Variants in TPRA1 observed in about 807,000 individuals in gnomAD.
The protein encoded by TPRA1 is transmembrane protein adipocyte-associated 1.
Under a neutral mutation model 40.1 loss-of-function variants are expected in TPRA1, and 28 were observed. That is an observed-to-expected ratio of 0.70 (90% CI 0.52 to 0.96). TPRA1 has a LOEUF of 0.96. TPRA1 is among the 40% of genes least tolerant of loss of function. The pLI, the probability that TPRA1 is intolerant of heterozygous loss-of-function variation, is 0.00. For missense variants in TPRA1, 441 were observed against 482.6 expected (o/e 0.91, Z 0.81); for synonymous variants, 219 against 209.7 (o/e 1.04, Z -0.38).
At chr3:127,595,164 G>A (rs1483040674), upstream of TPRA1, among the ~76,000 whole-genome samples, 1 of 152,234 alleles carries the variant, frequency 6.6e-6, no homozygotes, top group Admixed American at 6.5e-5. Context: ...ATCACACAAG[G>A]GTGTGAATAC....
intron 1 of TPRA1, among the ~76,000 whole-genome samples, chr3:127,585,992 GTAAC>G (rs757609818): frequency 9.9e-5 from 15 of 152,204 alleles, no homozygotes; most frequent in Non-Finnish European, 1.9e-4. Flanking sequence ...TGCCAAATGA[GTAAC>G]TAACTGTCTT....
At chr3:127,581,009 G>A (rs759466709) in intron 1 of TPRA1, among the ~76,000 whole-genome samples, 2 of 152,204 alleles carry the variant, frequency 1.3e-5, no homozygotes, top group African/African-American at 2.4e-5. Flanking sequence ...TGGAAGACAG[G>A]AGAGCTGGTG....
At chr3:127,574,608 C>T (rs896444540) in intron 10 of TPRA1, among the ~76,000 whole-genome samples, 6 of 152,200 alleles carry the variant, frequency 3.9e-5, no homozygotes, top group East Asian at 1.9e-4. Flanking sequence ...CTGTGGGCCT[C>T]GCATCTTCTG....
chr3:127,591,668 G>C (rs1179791805), upstream of TPRA1, among the ~76,000 whole-genome samples: 1 of 152,154 alleles, frequency 6.6e-6, no homozygotes. Flanking sequence ...TGGAGCGGCT[G>C]TCCAGTCTCA....
rs932721534 is a variant in TPRA1, at chr3:127,573,371, G to A, written c.*150C>T. 2.9e-6 allele frequency: 3 copies of A among 1,025,242 alleles called. No individual in the cohort carries two copies. In the Admixed American group the frequency reaches 8.8e-5, roughly 30 times the overall value. The allele number at this position is 1,025,242 out of a possible 1,614,324, so 63.5% of individuals were successfully genotyped here. A position where few individuals can be genotyped will look rare whatever the true frequency, so the allele number is the denominator to read the frequency against. ...TGGCAAAGGGGATTGGGAGCCCCAG[G>A]GAGGTGGGGCCTCCAGACTCATGGT... On this transcript the variant is annotated 3_prime_UTR_variant, in exon 11 of 11. Coordinates refer to ENST00000355552, the MANE Select transcript of TPRA1 (RefSeq NM_001136053.4).
chr3:127,573,729 T>C lies in TPRA1; in HGVS notation c.914A>G (p.Asp305Gly), dbSNP rs1347113665. 5 of 1,605,930 alleles carry C rather than the reference T, an allele frequency of 3.1e-6. No individual in the cohort carries two copies. The highest frequency in any genetic ancestry group is 4.3e-6 in the Non-Finnish European group (5 of 1,173,792). The change falls in exon 11 of 11, where the codon GAT becomes GGT. Residue 305 changes from aspartate (D) to glycine (G), a missense_variant. Transcript: ENST00000355552. ...KCQVDETEEPDVHLPQPYAVA... is the reference protein window; with the variant it reads ...KCQVDETEEPGVHLPQPYAVA... ...AGCGTAGGGCTGGGGTAGGTGTACA[T>C]CTGGCTCCTCTGTCTCGTCCACTTG...
At chr3:127,575,704 C>G in intron 8 of TPRA1, 45 bp downstream of exon 8, 1 of 1,604,370 alleles carries the variant, frequency 6.2e-7, no homozygotes, top group Non-Finnish European at 8.5e-7. Flanking sequence ...CCGGTAGACT[C>G]CCTCCCATCC....
upstream of TPRA1, chr3:127,595,621 C>T (rs1349876400): frequency 6.6e-6 from 1 of 152,356 alleles, no homozygotes; most frequent in Non-Finnish European, 1.5e-5. Flanking sequence ...GGGAGGGCTC[C>T]TGATAATCCC....
Position 127,575,991 on chromosome 3 carries a change from ATAGATAT to A in TPRA1, c.551_557del (p.Asn184MetfsTer31), listed in dbSNP as rs1392604149. 2 of 1,614,044 alleles carry A rather than the reference ATAGATAT, an allele frequency of 1.2e-6. No homozygotes were observed. The highest frequency in any genetic ancestry group is 1.7e-6 in the Non-Finnish European group (2 of 1,180,020). On this transcript the variant is annotated frameshift_variant, in exon 7 of 11. Coordinates refer to ENST00000355552, the MANE Select transcript of TPRA1 (RefSeq NM_001136053.4). LOFTEE classifies it high-confidence loss of function. ...GCCAGAACTGGCGGCCCCCATGGCC[ATAGATAT>A]TAAAGTCCTCAGCTGAGAGATGGGC... is the stretch of plus-strand genomic sequence containing the variant.
rs1429215698 is a variant in TPRA1, at chr3:127,576,453, AC to A, written c.498+163del. Among the ~76,000 whole-genome samples the A allele has an allele frequency of 1.3e-5, 2 of 152,148 alleles. No individual in the cohort carries two copies. Among genetic ancestry groups the A allele is most frequent in the African/African-American group, 2.4e-5 (1 of 41,432 alleles). On this transcript the variant is annotated intron_variant, in intron 6 of 10. Coordinates refer to ENST00000355552, the MANE Select transcript of TPRA1 (RefSeq NM_001136053.4). The surrounding 1 kb of genome is among the most constrained non-coding windows in gnomAD (Gnocchi z 4.6). ...CCCACTGGATCCAAATCTCCAGGGG[AC>A]CCCAGAATGTGCCTCGGTAACAAGC...
chr3:127,576,702 A>G lies in TPRA1; in HGVS notation c.419-6T>C, dbSNP rs1302590167. 25 of 1,609,588 alleles carry G rather than the reference A, an allele frequency of 1.6e-5. No homozygotes were observed. The highest frequency in any genetic ancestry group is 1.9e-5 in the Non-Finnish European group (22 of 1,178,032). On this transcript the variant is annotated splice_region_variant and splice_polypyrimidine_tract_variant and intron_variant, in intron 5 of 10. Transcript: ENST00000355552. The surrounding 1 kb of genome is among the most constrained non-coding windows in gnomAD (Gnocchi z 4.6). Reference sequence around the variant, plus strand: ...GGACTTACTCTCCAGGTGGCCTGGAAGAAACATGCTGGTCAGCAGGCAGGA... The same window carrying G: ...GGACTTACTCTCCAGGTGGCCTGGAGGAAACATGCTGGTCAGCAGGCAGGA...
In TPRA1 at chr3:127,575,503, G is replaced by A. The variant is rs1220414981; in HGVS notation, c.673C>T (p.Arg225Trp). Residue 225 changes from arginine to tryptophan, a missense_variant and splice_region_variant, in exon 9 of 11, where the codon CGG becomes TGG. By Grantham distance (101) the Arg-to-Trp change is moderately radical. Coordinates refer to ENST00000355552, the MANE Select transcript of TPRA1 (RefSeq NM_001136053.4). ...PLKERISLPS[R>W]RSFYVYAGIL... Reference sequence around the variant, plus strand: ...CCCGCATACACGTAGAAGCTCCTCCGAGCTGGGGGCCGGACAGGGTGGGTC... The same window carrying A: ...CCCGCATACACGTAGAAGCTCCTCCAAGCTGGGGGCCGGACAGGGTGGGTC... 1.2e-5 allele frequency: 19 copies of A among 1,567,344 alleles called. No homozygotes were observed. The highest frequency in any genetic ancestry group is 1.9e-5 in the Admixed American group (1 of 52,116).
chr3:127,578,147 C>A (rs560145790), intron 3 of TPRA1, among the ~76,000 whole-genome samples: 1 of 152,350 alleles, frequency 6.6e-6, no homozygotes, highest in South Asian at 2.1e-4. Flanking sequence ...GGTCTTCTGA[C>A]ACATGCCCAG....
At chr3:127,581,517 T>G (rs535090492) in intron 1 of TPRA1, among the ~76,000 whole-genome samples, 1 of 152,206 alleles carries the variant, frequency 6.6e-6, no homozygotes, top group East Asian at 1.9e-4. Context: ...GGGTGTCAGA[T>G]CCAGGTGGTG....
At chr3:127,592,597 G>A (rs1362758491), upstream of TPRA1, among the ~76,000 whole-genome samples, 4 of 151,658 alleles carry the variant, frequency 2.6e-5, no homozygotes, top group African/African-American at 9.7e-5. Context: ...TTGTTAGCCA[G>A]GATGGTCTCG....
intron 3 of TPRA1, among the ~76,000 whole-genome samples, chr3:127,578,189 G>A (rs2073710935): frequency 6.6e-6 from 1 of 152,248 alleles, no homozygotes; most frequent in Non-Finnish European, 1.5e-5. Flanking sequence ...TGTGCCATGA[G>A]AAATTGTGTC....
intron 9 of TPRA1, 33 bp from the exon 10 acceptor site, chr3:127,575,298 T>C: frequency 6.2e-7 from 1 of 1,605,908 alleles, no homozygotes; most frequent in Non-Finnish European, 8.5e-7. Flanking sequence ...CGGGGCCTCC[T>C]AGCCCCATGC....
In TPRA1 at chr3:127,576,080, G is replaced by A. The variant is rs1403348602; in HGVS notation, c.499-30C>T. ...AGGGGCAAGCAGGAAGGGAGGAAGG[G>A]AGAGGATCTCAAGGCTTCTCTCTCC... On this transcript the variant is annotated intron_variant, in intron 6 of 10. Transcript: ENST00000355552. This position sits in a 1 kb window ranked among gnomAD's most constrained non-coding sequence, Gnocchi z 4.6. 9 of 1,561,026 alleles carry A rather than the reference G, an allele frequency of 5.8e-6. No homozygotes were observed. Among genetic ancestry groups the A allele is most frequent in the Non-Finnish European group, 7.9e-6 (9 of 1,133,596 alleles).
upstream of TPRA1, among the ~76,000 whole-genome samples, chr3:127,595,120 T>G (rs1326338157): frequency 6.6e-6 from 1 of 152,162 alleles, no homozygotes; most frequent in Non-Finnish European, 1.5e-5. Context: ...CAAAGTAACA[T>G]CCAACCACAT....
Sources: gnomAD v4.1 joint callset for allele counts (sites outside exome capture counted in the v4.1 genomes callset) on GRCh38, gnomAD v4.1.1 for gene constraint, Gnocchi (gnomAD v3.1) non-coding constraint, MANE v1.5 for transcripts, NCBI Gene and HGNC (gene_info 2026-07-23, HGNC 2026-07-21) for gene names.